Variants in KCNJ4 observed in about 807,000 individuals in gnomAD.
KCNJ4 encodes inward rectifier potassium channel 4.
Under a neutral mutation model 25.6 loss-of-function variants are expected in KCNJ4, and 3 were observed. The observed-to-expected ratio is 0.12, with a 90% CI of 0.05 to 0.30. The LOEUF (loss-of-function observed/expected upper bound fraction) is 0.30. Among genes scored for constraint, KCNJ4 ranks in the 10% least tolerant of loss-of-function variants. The probability of loss-of-function intolerance (pLI) is 1.00; values close to 1 mark genes in which losing one functional copy is unlikely to be tolerated. For missense variants in KCNJ4, 286 were observed against 666.8 expected (o/e 0.43, Z 6.29); for synonymous variants, 257 against 283.9 (o/e 0.91, Z 0.95).
chr22:38,453,797 CAGAA>C (rs1272404435), intron 1 of KCNJ4, among the ~76,000 whole-genome samples: 1 of 152,220 alleles, frequency 6.6e-6, no homozygotes, highest in Admixed American at 6.5e-5. Flanking sequence ...TGGAACACCC[CAGAA>C]AGAGTCCCTC....
At position 38,426,486 on chromosome 22, in the gene KCNJ4, T is replaced by A. The variant is rs1602629848; in HGVS notation, c.*309A>T. 2.1e-5 allele frequency: 3 copies of A among 143,770 alleles called. No individual in the cohort carries two copies. The highest frequency in any genetic ancestry group is 3.1e-5 in the African/African-American group (1 of 32,150). 8.9% of individuals were successfully genotyped at this position (143,770 alleles called of 1,614,324 possible). A position where few individuals can be genotyped will look rare whatever the true frequency, so the allele number is the denominator to read the frequency against. ...TCCCCCGCCCAGCAGTCCAGCCACC[T>A]TCCCCAAGGTTCTGAGAGCAAAGAG... On this transcript the variant is annotated 3_prime_UTR_variant, in exon 2 of 2. Coordinates refer to ENST00000303592, the MANE Select transcript of KCNJ4 (RefSeq NM_152868.3).
Position 38,428,010 on chromosome 22 carries a change from G to C in KCNJ4, c.123C>G (p.Arg41=), listed in dbSNP as rs756060823. Residue 41 remains arginine, a synonymous_variant, in exon 2 of 2, where the codon CGC becomes CGG. Transcript: ENST00000303592. ...AGGTGGTGAAGATGTCCGCCATGTAGCGCTGCGACTTGTTGCTCAGGTTGG... is the reference window on the plus strand; with the variant it reads ...AGGTGGTGAAGATGTCCGCCATGTACCGCTGCGACTTGTTGCTCAGGTTGG... ...YFANLSNKSQ[R]YMADIFTTCV... 1 of 1,614,230 alleles carries C rather than the reference G, an allele frequency of 6.2e-7. No homozygotes were observed. Among genetic ancestry groups the C allele is most frequent in the Non-Finnish European group, 8.5e-7 (1 of 1,180,012 alleles).
chr22:38,435,421 G>C (rs1005332154), intron 1 of KCNJ4, among the ~76,000 whole-genome samples: 1 of 152,176 alleles, frequency 6.6e-6, no homozygotes, highest in Non-Finnish European at 1.5e-5. Flanking sequence ...TGCCGGGCAC[G>C]GTGGCTCACA....
At chr22:38,454,323 G>T (rs1017762046) in intron 1 of KCNJ4, among the ~76,000 whole-genome samples, 3 of 152,138 alleles carry the variant, frequency 2.0e-5, no homozygotes, top group Non-Finnish European at 2.9e-5. Flanking sequence ...TGACACTGGT[G>T]GGGGGACATT....
chr22:38,441,090 G>A (rs1010339698), intron 1 of KCNJ4, among the ~76,000 whole-genome samples: 1 of 152,174 alleles, frequency 6.6e-6, no homozygotes, highest in African/African-American at 2.4e-5. Flanking sequence ...GAGAGAAGCT[G>A]CAGAGCAGAT....
chr22:38,446,886 C>G (rs1036064952), intron 1 of KCNJ4, among the ~76,000 whole-genome samples: 19 of 150,076 alleles, frequency 1.3e-4, no homozygotes, highest in African/African-American at 4.4e-4. Flanking sequence ...AACTGGGAGG[C>G]GGAGGTTGCA....
Position 38,427,544 on chromosome 22 carries a change from C to T in KCNJ4, c.589G>A (p.Asp197Asn), listed in dbSNP as rs770814771. 9.9e-6 allele frequency: 16 copies of T among 1,611,258 alleles called. No individual in the cohort carries two copies. Among genetic ancestry groups the T allele is most frequent in the African/African-American group, 1.3e-5 (1 of 74,904 alleles). The part of the protein sequence containing the change: ...FSHHAVISVR[D>N]GKLCLMWRVG... ...CGCCACATGAGGCAGAGCTTGCCGT[C>T]GCGCACCGAAATGACCGCGTGGTGG... Residue 197 changes from aspartate (D) to asparagine (N), a missense_variant, in exon 2 of 2, where the codon GAC becomes AAC. Transcript: ENST00000303592.
intron 1 of KCNJ4, among the ~76,000 whole-genome samples, chr22:38,446,962 A>G (rs1283008543): frequency 6.6e-6 from 1 of 151,904 alleles, no homozygotes; most frequent in African/African-American, 2.4e-5. Flanking sequence ...CTCAAAAAAA[A>G]AAAAAAAAGA....
chr22:38,444,105 G>A (rs561506689), intron 1 of KCNJ4, among the ~76,000 whole-genome samples: 5 of 152,072 alleles, frequency 3.3e-5, no homozygotes, highest in South Asian at 4.2e-4. Flanking sequence ...AAGAGGCCCC[G>A]AGGCCCTCCC....
At chr22:38,447,410 C>T (rs2089382374) in intron 1 of KCNJ4, among the ~76,000 whole-genome samples, 1 of 152,164 alleles carries the variant, frequency 6.6e-6, no homozygotes, top group Non-Finnish European at 1.5e-5. Context: ...TGCTCCATTT[C>T]ACCCCCAGCC....
chr22:38,442,145 T>A (rs1420803290), intron 1 of KCNJ4, among the ~76,000 whole-genome samples: 3 of 152,124 alleles, frequency 2.0e-5, no homozygotes, highest in African/African-American at 7.2e-5. Context: ...TATTCCCGTT[T>A]GTGTCTTTTT....
At chr22:38,437,099 G>C (rs560370041) in intron 1 of KCNJ4, among the ~76,000 whole-genome samples, 1 of 152,344 alleles carries the variant, frequency 6.6e-6, no homozygotes, top group South Asian at 2.1e-4. Context: ...GGGCTCCACA[G>C]GGGCTTGGAG....
rs761187656 is a variant in KCNJ4 at position 38,428,052 on chromosome 22, T to C, written c.81A>G (p.Gln27=). ...RRNRFVKKNG[Q]CNVYFANLSN... ...TCAGGTTGGCGAAGTACACGTTGCATTGGCCGTTCTTCTTGACGAAGCGGT... is the reference window on the plus strand; with the variant it reads ...TCAGGTTGGCGAAGTACACGTTGCACTGGCCGTTCTTCTTGACGAAGCGGT... Residue 27 remains glutamine (Q), a synonymous_variant, in exon 2 of 2, where the codon CAA becomes CAG. Transcript: ENST00000303592. The C allele has an allele frequency of 2.0e-5, 32 of 1,614,032 alleles. No individual in the cohort carries two copies. The highest frequency in any genetic ancestry group is 2.6e-5 in the Non-Finnish European group (31 of 1,179,978).
At chr22:38,434,981 G>A (rs1394080748) in intron 1 of KCNJ4, among the ~76,000 whole-genome samples, 1 of 152,198 alleles carries the variant, frequency 6.6e-6, no homozygotes, top group Non-Finnish European at 1.5e-5. Context: ...AAAAACTGAT[G>A]TTGATAATGG....
chr22:38,443,606 T>C lies in KCNJ4; in HGVS notation c.-40+11374A>G, dbSNP rs936038159. 6.6e-6 allele frequency among the ~76,000 whole-genome samples: 1 copy of C among 152,216 alleles called. No homozygotes were observed. Among genetic ancestry groups the C allele is most frequent in the East Asian group, 1.9e-4 (1 of 5,186 alleles). ...TAACTAACATGCACTTAGTGTTCACTGAGGGCCATGCACTGACTGGTCCAC... is the reference window on the plus strand; with the variant it reads ...TAACTAACATGCACTTAGTGTTCACCGAGGGCCATGCACTGACTGGTCCAC... On this transcript the variant is annotated intron_variant, in intron 1 of 1. Coordinates refer to ENST00000303592, the MANE Select transcript of KCNJ4 (RefSeq NM_152868.3). The surrounding 1 kb of genome is among the most constrained non-coding windows in gnomAD (Gnocchi z 4.1).
chr22:38,438,765 C>T lies in KCNJ4; in HGVS notation c.-39-10594G>A, dbSNP rs919928674. Among the ~76,000 whole-genome samples the T allele has an allele frequency of 1.6e-4, 24 of 151,796 alleles. 1 individual carries two copies. Among genetic ancestry groups the T allele is most frequent in the Admixed American group, 1.4e-3 (22 of 15,244 alleles). The stretch of plus-strand genomic sequence containing the variant: ...GTCTGAGTCTGGTGTTGAGAAGCTG[C>T]AGGAAGGCCAGGTTGTGGCTGTGAA... On this transcript the variant is annotated intron_variant, in intron 1 of 1. Coordinates refer to ENST00000303592, the MANE Select transcript of KCNJ4 (RefSeq NM_152868.3).
intron 1 of KCNJ4, among the ~76,000 whole-genome samples, chr22:38,437,180 G>A (rs1324627317): frequency 2.6e-5 from 4 of 152,218 alleles, no homozygotes; most frequent in East Asian, 1.9e-4. Context: ...CTTGGCCAGC[G>A]AATGTGGGGC....
intron 1 of KCNJ4, among the ~76,000 whole-genome samples, chr22:38,447,288 G>A (rs1169124359): frequency 6.6e-6 from 1 of 152,200 alleles, no homozygotes; most frequent in African/African-American, 2.4e-5. Context: ...CCCGGAGATG[G>A]GGAGCTCCCC....
intron 1 of KCNJ4, among the ~76,000 whole-genome samples, chr22:38,439,461 C>T (rs992205538): frequency 6.6e-6 from 1 of 151,596 alleles, no homozygotes; most frequent in African/African-American, 2.4e-5. Context: ...AAGCCTTGTG[C>T]ATCTACCACC....
Sources: allele counts gnomAD v4.1 joint callset (sites outside exome capture counted in the v4.1 genomes callset), GRCh38; gene constraint gnomAD v4.1.1; non-coding constraint Gnocchi (gnomAD v3.1); transcripts MANE v1.5; gene names NCBI Gene and HGNC (gene_info 2026-07-23, HGNC 2026-07-21).